Variants in DLG2 observed in about 807,000 individuals in gnomAD.
DLG2 encodes the protein disks large homolog 2.
In DLG2, 45 loss-of-function variants were observed where a neutral mutation model predicts 132.5. The observed-to-expected ratio is 0.34, with a 90% CI of 0.27 to 0.44. The LOEUF (loss-of-function observed/expected upper bound fraction) is 0.44. Among genes scored for constraint, DLG2 ranks in the 20% least tolerant of loss-of-function variants. The pLI is 1.00. For synonymous variants in DLG2, 424 were observed against 419.6 expected, an observed-to-expected ratio of 1.01 and a Z score of -0.13; for missense variants, 1,045 against 1,196.9, an observed-to-expected ratio of 0.87 and a Z score of 1.87.
intron 3 of DLG2, among the ~76,000 whole-genome samples, chr11:85,428,486 C>T (rs1282252027): frequency 1.3e-5 from 2 of 152,178 alleles, no homozygotes; most frequent in Non-Finnish European, 2.9e-5. Flanking sequence ...CTCAAAACCA[C>T]ATAACTACAT....
intron 24 of DLG2, among the ~76,000 whole-genome samples, chr11:83,470,474 G>C (rs968123496): frequency 2.0e-5 from 3 of 152,076 alleles, no homozygotes; most frequent in Non-Finnish European, 4.4e-5. Context: ...ATCACAAAAT[G>C]GTTCTATTAA....
At chr11:83,585,875 T>C (rs1275362173) in intron 19 of DLG2, among the ~76,000 whole-genome samples, 1 of 152,192 alleles carries the variant, frequency 6.6e-6, no homozygotes, top group Non-Finnish European at 1.5e-5. Flanking sequence ...GGTATAATTA[T>C]GTGCCATGAG....
rs1349216622 is a variant in DLG2 at position 85,092,800 on chromosome 11, G to A, written c.357+18861C>T. The stretch of plus-strand genomic sequence containing the variant: ...TGGGACTACAGGCATGCGCTGCCAC[G>A]ACTGGCTAATTTTTGTATTTTTAGT... On this transcript the variant is annotated intron_variant, in intron 6 of 27. Transcript: ENST00000376104. 2.0e-5 allele frequency among the ~76,000 whole-genome samples: 3 copies of A among 151,976 alleles called. No homozygotes were observed. The East Asian group carries it at 5.8e-4, about 29-fold the overall frequency.
rs551561435 is a variant in DLG2 at position 83,515,212 on chromosome 11, A to T, written c.2193+17496T>A. ...TATTGCCTCAATATCAGATTCTGTT[A>T]TTCGTCTATTTAGAGATTCAACTTC... On this transcript the variant is annotated intron_variant, in intron 21 of 27. Coordinates refer to ENST00000376104, the MANE Select transcript of DLG2 (RefSeq NM_001142699.3). Among the ~76,000 whole-genome samples the T allele has an allele frequency of 7.9e-5, 12 of 152,240 alleles. No homozygotes were observed. In the South Asian group the frequency reaches 8.3e-4, roughly 11 times the overall value.
intron 7 of DLG2, among the ~76,000 whole-genome samples, chr11:84,454,283 T>C (rs910897325): frequency 6.6e-5 from 10 of 151,526 alleles, no homozygotes; most frequent in South Asian, 2.1e-4. Context: ...ATGGAAGGAA[T>C]GACTGTCCTC....
chr11:83,531,560 G>A (rs748223942), intron 21 of DLG2, among the ~76,000 whole-genome samples: 5 of 151,930 alleles, frequency 3.3e-5, no homozygotes, highest in Non-Finnish European at 7.4e-5. Flanking sequence ...ATGTAAAATG[G>A]TGCAACCACT....
At chr11:85,382,892 A>C (rs915690873) in intron 3 of DLG2, among the ~76,000 whole-genome samples, 6 of 152,164 alleles carry the variant, frequency 3.9e-5, no homozygotes, top group Admixed American at 2.6e-4. Context: ...AGAAATGTAA[A>C]ATAGTGCAGT....
intron 6 of DLG2, among the ~76,000 whole-genome samples, chr11:84,917,702 C>G (rs920733103): frequency 1.3e-5 from 2 of 152,120 alleles, no homozygotes; most frequent in Non-Finnish European, 2.9e-5. Context: ...TTATCCTTTA[C>G]TTATTAACTC....
chr11:84,547,151 G>A (rs1161252905), intron 6 of DLG2, among the ~76,000 whole-genome samples: 2 of 152,120 alleles, frequency 1.3e-5, no homozygotes, highest in African/African-American at 4.8e-5. Flanking sequence ...TTAGAAGAGT[G>A]AGTGTCTGTG....
At chr11:85,064,457 A>G (rs917402579) in intron 6 of DLG2, among the ~76,000 whole-genome samples, 14 of 151,712 alleles carry the variant, frequency 9.2e-5, no homozygotes, top group Non-Finnish European at 2.1e-4. Flanking sequence ...CTGGAAATCA[A>G]CTCTGACACT....
chr11:83,667,021 T>C (rs1425290447), intron 18 of DLG2, among the ~76,000 whole-genome samples: 1 of 152,224 alleles, frequency 6.6e-6, no homozygotes, highest in Non-Finnish European at 1.5e-5. Context: ...AACTGCGATA[T>C]ACGGTCAACG....
intron 3 of DLG2, among the ~76,000 whole-genome samples, chr11:85,466,815 A>T (rs2092807069): frequency 6.6e-6 from 1 of 152,130 alleles, no homozygotes. Flanking sequence ...TTCCATATGA[A>T]CTTTAAAGTA....
At chr11:84,713,022 T>A (rs563961720) in intron 6 of DLG2, among the ~76,000 whole-genome samples, 13 of 152,220 alleles carry the variant, frequency 8.5e-5, no homozygotes, top group African/African-American at 2.9e-4. Flanking sequence ...AAATGATGTT[T>A]GGATCAAACT....
At chr11:85,501,341 T>C (rs1475723776) in intron 3 of DLG2, among the ~76,000 whole-genome samples, 1 of 152,142 alleles carries the variant, frequency 6.6e-6, no homozygotes, top group Non-Finnish European at 1.5e-5. Context: ...TGAAATACCA[T>C]TCAGGACATA....
At chr11:85,434,601 A>G (rs1322497613) in intron 3 of DLG2, among the ~76,000 whole-genome samples, 2 of 152,200 alleles carry the variant, frequency 1.3e-5, no homozygotes, top group Non-Finnish European at 2.9e-5. Flanking sequence ...CTGGACACAT[A>G]TACCCTCCCA....
intron 17 of DLG2, among the ~76,000 whole-genome samples, chr11:83,817,472 G>C (rs910290568): frequency 3.3e-5 from 5 of 152,126 alleles, no homozygotes; most frequent in Non-Finnish European, 7.4e-5. Context: ...GCTATATCGA[G>C]GAATTGAGAC....
At chr11:83,908,623 G>C (rs985573123) in intron 15 of DLG2, among the ~76,000 whole-genome samples, 3 of 152,050 alleles carry the variant, frequency 2.0e-5, no homozygotes, top group African/African-American at 7.2e-5. Context: ...TTGTCTAACT[G>C]AGCCATTCCT....
intron 3 of DLG2, among the ~76,000 whole-genome samples, chr11:85,426,341 C>T (rs1338364521): frequency 6.6e-6 from 1 of 152,174 alleles, no homozygotes. Flanking sequence ...CAAGTGGGTC[C>T]CTGACCCCTG....
intron 21 of DLG2, among the ~76,000 whole-genome samples, chr11:83,511,001 C>T (rs145400909): frequency 8.8e-4 from 127 of 143,800 alleles, no homozygotes; most frequent in African/African-American, 3.1e-3. Flanking sequence ...AATAAAACAC[C>T]GCAAACTGCC....
Sources: allele counts gnomAD v4.1 joint callset (sites outside exome capture counted in the v4.1 genomes callset), GRCh38; gene constraint gnomAD v4.1.1; transcripts MANE v1.5; gene names NCBI Gene and HGNC (gene_info 2026-07-23, HGNC 2026-07-21).